Variants in PIEZO2 observed in about 807,000 individuals in gnomAD.
The protein encoded by PIEZO2 is piezo type mechanosensitive ion channel component 2.
A neutral mutation model predicts 337.3 loss-of-function variants in PIEZO2; 172 were observed. The observed-to-expected ratio is 0.51, with a 90% confidence interval of 0.45 to 0.58. PIEZO2 has a LOEUF of 0.58. Ranked by LOEUF, PIEZO2 falls within the 20% of genes least tolerant of loss-of-function variation. PIEZO2 has a pLI of 0.00. For synonymous variants in PIEZO2, 1,251 were observed against 1,228.5 expected (o/e 1.02, Z -0.38); for missense variants, 3,028 against 3,391.3 (o/e 0.89, Z 2.66).
Position 10,781,014 on chromosome 18 carries a change from G to A in PIEZO2, c.2493-648C>T, listed in dbSNP as rs992582047. Among the ~76,000 whole-genome samples, 1 of 149,548 alleles carries A rather than the reference G, an allele frequency of 6.7e-6. No individual in the cohort carries two copies. Among genetic ancestry groups the A allele is most frequent in the Non-Finnish European group, 1.5e-5 (1 of 67,578 alleles). On this transcript the variant is annotated intron_variant, in intron 17 of 55. Transcript: ENST00000674853. The surrounding 1 kb of genome is among the most constrained non-coding windows in gnomAD (Gnocchi z 4.1). ...ATAATTTAAAAAATTAATTTTTGCT[G>A]CTACCCCAGAATTAAAAAAAAAAAG... is the stretch of plus-strand genomic sequence containing the variant.
intron 44 of PIEZO2, among the ~76,000 whole-genome samples, 155 bp downstream of exon 44, chr18:10,698,770 G>A (rs1034110016): frequency 4.0e-4 from 61 of 152,214 alleles, no homozygotes; most frequent in Middle Eastern, 6.8e-3. Flanking sequence ...ATTTGAACTC[G>A]GGTTTCTCTG....
chr18:10,772,646 C>T (rs1421560037), intron 20 of PIEZO2, among the ~76,000 whole-genome samples: 1 of 152,160 alleles, frequency 6.6e-6, no homozygotes, highest in Non-Finnish European at 1.5e-5. Flanking sequence ...AAGACAAGTG[C>T]AGCATCTTAA....
rs945538138 is a variant in PIEZO2 at position 10,850,779 on chromosome 18, T to A, written c.917+4574A>T. Among the ~76,000 whole-genome samples, 10 of 152,160 alleles carry A rather than the reference T, an allele frequency of 6.6e-5. No homozygotes were observed. Among genetic ancestry groups the A allele is most frequent in the Non-Finnish European group, 1.3e-4 (9 of 68,020 alleles). ...GACATAAGAAAGATTCTGAAAAAAA[T>A]TTGGCTAAAAAGCAATAGTATTTAT... On this transcript the variant is annotated intron_variant, in intron 7 of 55. Transcript: ENST00000674853. This position sits in a 1 kb window ranked among gnomAD's most constrained non-coding sequence, Gnocchi z 4.5.
intron 27 of PIEZO2, among the ~76,000 whole-genome samples, chr18:10,755,642 G>A (rs994039927): frequency 2.6e-5 from 4 of 152,174 alleles, no homozygotes; most frequent in African/African-American, 9.7e-5. Context: ...TACTGTGAGG[G>A]AAACATGGCC....
intron 23 of PIEZO2, 119 bp from the exon 24 acceptor site, chr18:10,761,230 A>C: frequency 1.1e-6 from 1 of 902,180 alleles, no homozygotes. Context: ...CACCTCTCTT[A>C]AGCAGTTTTG....
At position 11,116,441 on chromosome 18, in the gene PIEZO2, C is replaced by T. The variant is rs921694604; in HGVS notation, c.64+32084G>A. Among the ~76,000 whole-genome samples, 1 of 151,916 alleles carries T rather than the reference C, an allele frequency of 6.6e-6. No individual in the cohort carries two copies. Among genetic ancestry groups the T allele is most frequent in the African/African-American group, 2.4e-5 (1 of 41,354 alleles). On this transcript the variant is annotated intron_variant, in intron 1 of 55. Transcript: ENST00000674853. The surrounding 1 kb of genome is among the most constrained non-coding windows in gnomAD (Gnocchi z 5.0). ...AAGAATGAAATTTGCAGGCCGGGCGCGGTGGCTCACGCCTGTAAACCCAGC... is the reference window on the plus strand; with the variant it reads ...AAGAATGAAATTTGCAGGCCGGGCGTGGTGGCTCACGCCTGTAAACCCAGC...
intron 4 of PIEZO2, among the ~76,000 whole-genome samples, chr18:10,890,164 A>G (rs1221367075): frequency 1.3e-5 from 2 of 152,258 alleles, no homozygotes; most frequent in Non-Finnish European, 2.9e-5. Flanking sequence ...TTGTGTGTTT[A>G]AACTACAGCC....
At chr18:10,681,825 A>G (rs1210809567) in intron 50 of PIEZO2, 72 bp from the exon 51 acceptor site, 2 of 1,292,324 alleles carry the variant, frequency 1.5e-6, no homozygotes, top group East Asian at 4.6e-5. Flanking sequence ...AAAGAAAAAC[A>G]TTTATGTAGG....
intron 36 of PIEZO2, among the ~76,000 whole-genome samples, chr18:10,720,413 GTGTATGTATATATATATATA>G (rs2036251427): frequency 2.3e-3 from 83 of 36,658 alleles, no homozygotes; most frequent in African/African-American, 6.6e-3. Context: ...GTATGTGTAT[GTGTATGTATATATATATATA>G]TATATATATA....
intron 10 of PIEZO2, 106 bp from the exon 11 acceptor site, chr18:10,800,581 T>G: frequency 3.1e-6 from 4 of 1,290,262 alleles, no homozygotes; most frequent in Non-Finnish European, 4.1e-6. Context: ...AGTGAGGAGT[T>G]GATTACAAGC....
intron 1 of PIEZO2, among the ~76,000 whole-genome samples, chr18:11,107,782 TTTAA>T (rs2039613011): frequency 6.6e-6 from 1 of 152,216 alleles, no homozygotes; most frequent in Non-Finnish European, 1.5e-5. Flanking sequence ...GGAAGTATGA[TTTAA>T]TTATGAAAGC....
rs1402470923 is a variant in PIEZO2 at position 11,070,128 on chromosome 18, C to G, written c.65-3906G>C. Among the ~76,000 whole-genome samples, 1 of 152,130 alleles carries G rather than the reference C, an allele frequency of 6.6e-6. No homozygotes were observed. Among genetic ancestry groups the G allele is most frequent in the Non-Finnish European group, 1.5e-5 (1 of 68,026 alleles). On this transcript the variant is annotated intron_variant, in intron 1 of 55. Transcript: ENST00000674853. The surrounding 1 kb of genome is among the most constrained non-coding windows in gnomAD (Gnocchi z 4.3). Reference sequence around the variant, plus strand: ...TGCTTACATAAACAAAGATGGTATGCCCTACTGCACACCTAGACATATGGT... The same window carrying G: ...TGCTTACATAAACAAAGATGGTATGGCCTACTGCACACCTAGACATATGGT...
chr18:11,058,692 G>C (rs976986306), intron 2 of PIEZO2, among the ~76,000 whole-genome samples: 1 of 152,098 alleles, frequency 6.6e-6, no homozygotes, highest in African/African-American at 2.4e-5. Flanking sequence ...AAGATGAAAT[G>C]AATGAAATGA....
At chr18:10,770,072 A>G (rs2038533997) in intron 21 of PIEZO2, 76 bp downstream of exon 21, 2 of 1,442,354 alleles carry the variant, frequency 1.4e-6, no homozygotes, top group Admixed American at 4.4e-5. Context: ...TAAAAAAATC[A>G]TGGACAGCTG....
In PIEZO2 at chr18:11,105,068, A is replaced by T. The variant is rs1471583059; in HGVS notation, c.65-38846T>A. 1.3e-5 allele frequency among the ~76,000 whole-genome samples: 2 copies of T among 152,232 alleles called. No individual in the cohort carries two copies. The highest frequency in any genetic ancestry group is 3.9e-4 in the East Asian group (2 of 5,188). Reference sequence around the variant, plus strand: ...ACCACTTACTATCATTTGGCAAAGAACAGCTTGACTAAGCACGACACCACC... The same window carrying T: ...ACCACTTACTATCATTTGGCAAAGATCAGCTTGACTAAGCACGACACCACC... On this transcript the variant is annotated intron_variant, in intron 1 of 55. Coordinates refer to ENST00000674853, the MANE Select transcript of PIEZO2 (RefSeq NM_001378183.1). The surrounding 1 kb of genome is among the most constrained non-coding windows in gnomAD (Gnocchi z 4.3).
At chr18:10,734,342 C>T (rs1018490209) in intron 35 of PIEZO2, among the ~76,000 whole-genome samples, 2 of 152,302 alleles carry the variant, frequency 1.3e-5, no homozygotes, top group South Asian at 2.1e-4. Flanking sequence ...GGCCCAGCCA[C>T]GGTTGTGCTT....
intron 37 of PIEZO2, among the ~76,000 whole-genome samples, 160 bp from the exon 38 acceptor site, chr18:10,715,976 G>T (rs1259979116): frequency 6.6e-6 from 1 of 152,176 alleles, no homozygotes; most frequent in East Asian, 1.9e-4. Flanking sequence ...GAGGAGAGCT[G>T]CCATGCAGGA....
chr18:11,134,390 A>C (rs150323036), intron 1 of PIEZO2, among the ~76,000 whole-genome samples: 165 of 152,296 alleles, frequency 1.1e-3, no homozygotes, highest in African/African-American at 3.8e-3. Flanking sequence ...ACCAAAGTCC[A>C]CAAGCACACG....
At chr18:10,852,541 CAT>C (rs1382213003) in intron 7 of PIEZO2, among the ~76,000 whole-genome samples, 1 of 152,226 alleles carries the variant, frequency 6.6e-6, no homozygotes. Flanking sequence ...AAATTTTACA[CAT>C]AAATCAATCA....
Sources: allele counts gnomAD v4.1 joint callset (sites outside exome capture counted in the v4.1 genomes callset), GRCh38; gene constraint gnomAD v4.1.1; non-coding constraint Gnocchi (gnomAD v3.1); transcripts MANE v1.5; gene names NCBI Gene and HGNC (gene_info 2026-07-23, HGNC 2026-07-21).